CFAP299: variants seen among roughly 807,000 people sequenced by gnomAD.
The protein encoded by CFAP299 is cilia and flagella associated protein 299, also known as cilia- and flagella-associated protein 299.
In CFAP299, 21 loss-of-function variants were observed where a neutral mutation model predicts 27.0. The observed-to-expected ratio is 0.78, with a 90% CI of 0.55 to 1.12. The LOEUF is 1.12. Among genes scored for constraint, CFAP299 ranks in the 50% most tolerant of loss-of-function variants. CFAP299 has a pLI of 0.00. For synonymous variants in CFAP299, 104 were observed against 98.1 expected (o/e 1.06, Z -0.36); for missense variants, 310 against 276.6 (o/e 1.12, Z -0.86).
chr4:80,595,181 A>G (rs879866053), intron 3 of CFAP299, among the ~76,000 whole-genome samples: 1 of 152,078 alleles, frequency 6.6e-6, no homozygotes, highest in Non-Finnish European at 1.5e-5. Context: ...TACCTTCCAT[A>G]TCTCTGGAAT....
intron 2 of CFAP299, among the ~76,000 whole-genome samples, chr4:80,391,310 G>T (rs1478860564): frequency 6.6e-6 from 1 of 152,050 alleles, no homozygotes; most frequent in Non-Finnish European, 1.5e-5. Flanking sequence ...TTGCATAATG[G>T]CTATACCAAT....
chr4:80,578,282 G>A (rs1231459278), intron 2 of CFAP299, among the ~76,000 whole-genome samples: 1 of 152,154 alleles, frequency 6.6e-6, no homozygotes, highest in Non-Finnish European at 1.5e-5. Context: ...TAAGAGTAAT[G>A]CATGTTAAAG....
intron 2 of CFAP299, among the ~76,000 whole-genome samples, chr4:80,539,393 G>T (rs1182893050): frequency 6.6e-6 from 1 of 152,208 alleles, no homozygotes; most frequent in Non-Finnish European, 1.5e-5. Flanking sequence ...GAGCAGGAAT[G>T]AAGGGACAGC....
At chr4:80,800,551 A>T (rs377709291) in intron 3 of CFAP299, among the ~76,000 whole-genome samples, 2 of 30,054 alleles carry the variant, frequency 6.7e-5, no homozygotes, top group Non-Finnish European at 9.3e-5. Flanking sequence ...ATAATATATC[A>T]ATATATTATA....
At chr4:80,461,193 C>T (rs946042990) in intron 2 of CFAP299, among the ~76,000 whole-genome samples, 3 of 152,070 alleles carry the variant, frequency 2.0e-5, no homozygotes, top group African/African-American at 4.8e-5. Flanking sequence ...AGGTAGCAGG[C>T]GTTAGAGCTC....
intron 3 of CFAP299, among the ~76,000 whole-genome samples, chr4:80,623,803 C>G (rs1177047579): frequency 6.6e-6 from 1 of 152,130 alleles, no homozygotes. Context: ...TTAGAATCTG[C>G]AGACAGAGTC....
intron 2 of CFAP299, among the ~76,000 whole-genome samples, chr4:80,385,933 C>T (rs543863578): frequency 9.8e-5 from 15 of 152,354 alleles, no homozygotes; most frequent in African/African-American, 3.4e-4. Context: ...TCTCTCTTGC[C>T]GTGGCTCTGC....
At chr4:80,574,802 A>G (rs770811752) in intron 2 of CFAP299, among the ~76,000 whole-genome samples, 2 of 152,130 alleles carry the variant, frequency 1.3e-5, no homozygotes, top group Non-Finnish European at 2.9e-5. Context: ...AATCCCTGGG[A>G]TAAGTTCCAC....
intron 3 of CFAP299, among the ~76,000 whole-genome samples, chr4:80,700,151 A>G (rs1049991531): frequency 6.6e-6 from 1 of 152,164 alleles, no homozygotes; most frequent in African/African-American, 2.4e-5. Flanking sequence ...AAGTCAGTGT[A>G]GTAAGGTAGT....
chr4:80,470,071 C>T (rs542760386), intron 2 of CFAP299, among the ~76,000 whole-genome samples: 4 of 152,240 alleles, frequency 2.6e-5, no homozygotes, highest in African/African-American at 7.2e-5. Context: ...ATCTCATTCT[C>T]TACCTCTCTT....
chr4:80,800,378 A>G (rs796171190), intron 3 of CFAP299, among the ~76,000 whole-genome samples: 7 of 64,538 alleles, frequency 1.1e-4, no homozygotes, highest in Non-Finnish European at 1.7e-4. Flanking sequence ...TAATATATAT[A>G]ATATATAATA....
chr4:80,688,119 GC>G (rs1299344742), intron 3 of CFAP299, among the ~76,000 whole-genome samples: 2 of 152,098 alleles, frequency 1.3e-5, no homozygotes, highest in Non-Finnish European at 2.9e-5. Context: ...GGGGAGGGGC[GC>G]CCGCCATTGC....
chr4:80,770,844 G>C (rs984688272), intron 3 of CFAP299, among the ~76,000 whole-genome samples: 2 of 151,990 alleles, frequency 1.3e-5, no homozygotes, highest in Non-Finnish European at 2.9e-5. Context: ...TCTCAGCTTC[G>C]GGGGGCTGCT....
At chr4:80,684,530 G>A (rs1265675808) in intron 3 of CFAP299, among the ~76,000 whole-genome samples, 1 of 152,084 alleles carries the variant, frequency 6.6e-6, no homozygotes, top group African/African-American at 2.4e-5. Flanking sequence ...CTCCCAAAGT[G>A]CTGCTGGGAT....
At chr4:80,955,054 A>C in intron 5 of CFAP299, among the ~76,000 whole-genome samples, 1 of 147,668 alleles carries the variant, frequency 6.8e-6, no homozygotes, top group Non-Finnish European at 1.5e-5. Flanking sequence ...GGCCATATAC[A>C]GAGTAGTATA....
intron 2 of CFAP299, among the ~76,000 whole-genome samples, chr4:80,539,082 A>G (rs1331724152): frequency 6.6e-6 from 1 of 152,168 alleles, no homozygotes; most frequent in African/African-American, 2.4e-5. Flanking sequence ...AATTGAAACA[A>G]TTTCCACTAG....
intron 3 of CFAP299, among the ~76,000 whole-genome samples, chr4:80,782,611 T>TGTGTGGG (rs1560749067): frequency 7.9e-5 from 10 of 126,946 alleles, no homozygotes; most frequent in Non-Finnish European, 1.0e-4. Flanking sequence ...TATACATATA[T>TGTGTGGG]TAATATATAA....
At chr4:80,364,060 C>T (rs1403618446) in intron 2 of CFAP299, among the ~76,000 whole-genome samples, 1 of 105,400 alleles carries the variant, frequency 9.5e-6, no homozygotes, top group Non-Finnish European at 1.7e-5. Flanking sequence ...GCACTCCAGC[C>T]TGGGCAACAG....
chr4:80,403,793 A>G (rs1013838966), intron 2 of CFAP299, among the ~76,000 whole-genome samples: 2 of 152,178 alleles, frequency 1.3e-5, no homozygotes, highest in Non-Finnish European at 2.9e-5. Context: ...ACGAGCAAAT[A>G]CCTTTTCTCT....
Sources: gnomAD v4.1 joint callset for allele counts (sites outside exome capture counted in the v4.1 genomes callset) on GRCh38, gnomAD v4.1.1 for gene constraint, MANE v1.5 for transcripts, NCBI Gene and HGNC (gene_info 2026-07-23, HGNC 2026-07-21) for gene names.